MUC17: variants seen among roughly 807,000 people sequenced by gnomAD.
The protein encoded by MUC17 is mucin 17, cell surface associated.
In MUC17, 190 loss-of-function variants were observed where a neutral mutation model predicts 170.3. That is an observed-to-expected ratio of 1.12 (90% CI 0.99 to 1.26). The LOEUF (loss-of-function observed/expected upper bound fraction) is 1.26, where lower values mean the gene tolerates loss of function less well. Among genes scored for constraint, MUC17 ranks in the 50% most tolerant of loss-of-function variants. The pLI is 0.00. For synonymous variants in MUC17, 2,325 were observed against 2,002.5 expected (o/e 1.16, Z -4.30); for missense variants, 6,415 against 5,530.0 (o/e 1.16, Z -5.08).
chr7:101,026,563 A>C (rs1202443469), intron 1 of MUC17, among the ~76,000 whole-genome samples: 1 of 152,186 alleles, frequency 6.6e-6, no homozygotes, highest in Admixed American at 6.5e-5. Flanking sequence ...CAAAATGGAC[A>C]TGCAAGGCCC....
chr7:101,034,395 G>T lies in MUC17; in HGVS notation c.2979G>T (p.Thr993=), dbSNP rs146041114. 2.6e-4 allele frequency: 418 copies of T among 1,606,056 alleles called. No individual in the cohort carries two copies. The highest frequency in any genetic ancestry group is 3.3e-4 in the Non-Finnish European group (394 of 1,176,544). Residue 993 remains threonine (T), a synonymous_variant, in exon 3 of 13, where the codon ACG becomes ACT. Transcript: ENST00000306151. ...TPLTSTPVSH[T]LVANSEASTL... is the part of the protein sequence containing the mutation. Reference sequence around the variant, plus strand: ...TAACAAGCACACCTGTCAGCCACACGCTGGTGGCCAATTCTGAGGCTAGCA... The same window carrying T: ...TAACAAGCACACCTGTCAGCCACACTCTGGTGGCCAATTCTGAGGCTAGCA...
chr7:101,043,913 C>T (rs964008932), intron 3 of MUC17, 94 bp downstream of exon 3: 54 of 1,196,028 alleles, frequency 4.5e-5, no homozygotes, highest in Non-Finnish European at 5.7e-5. Context: ...CCTATGTATA[C>T]GTGTGCCATG....
rs749287345 is a variant in MUC17, at chr7:101,043,712, G to C, written c.12296G>C (p.Ser4099Thr). ...ACCATGACCACCAGGACAAAACCCA[G>C]CACACGGACCACTTCCTTCCCCACG... ...VTTMTTRTKP[S>T]TRTTSFPTVT... is the part of the protein sequence containing the mutation. The change falls in exon 3 of 13, where the codon AGC becomes ACC. Residue 4099 changes from serine (S) to threonine (T), a missense_variant. By Grantham distance (58) the Ser-to-Thr change is moderately conservative. Coordinates refer to ENST00000306151, the MANE Select transcript of MUC17 (RefSeq NM_001040105.2). The C allele has an allele frequency of 4.3e-6, 7 of 1,614,018 alleles. No individual in the cohort carries two copies. The highest frequency in any genetic ancestry group is 1.1e-5 in the South Asian group (1 of 91,072).
At chr7:101,020,459 G>A (rs13231099) in intron 1 of MUC17, among the ~76,000 whole-genome samples, 38,502 of 151,958 alleles carry the variant, frequency 0.25, 5,304 homozygotes, top group Admixed American at 0.39. Context: ...TTCCCCTTCC[G>A]AGCCTCAGTC....
rs1233899015 is a variant in MUC17 at position 101,041,205 on chromosome 7, T to C, written c.9789T>C (p.Pro3263=). The part of the protein sequence containing the change: ...LTTSTEASSS[P]PTAEGTSMPT... Reference sequence around the variant, plus strand: ...CTTCTACTGAAGCCAGTTCATCTCCTCCCACTGCTGAAGGTACCAGCATGC... The same window carrying C: ...CTTCTACTGAAGCCAGTTCATCTCCCCCCACTGCTGAAGGTACCAGCATGC... The change falls in exon 3 of 13, where the codon CCT becomes CCC. Residue 3263 remains proline, a synonymous_variant. Coordinates refer to ENST00000306151, the MANE Select transcript of MUC17 (RefSeq NM_001040105.2). The C allele has an allele frequency of 6.2e-7, 1 of 1,613,184 alleles. No individual in the cohort carries two copies. The highest frequency in any genetic ancestry group is 1.1e-5 in the South Asian group (1 of 90,976).
chr7:101,040,331 C>T lies in MUC17; in HGVS notation c.8915C>T (p.Ala2972Val). Residue 2972 changes from alanine (A) to valine (V), a missense_variant, in exon 3 of 13, where the codon GCT becomes GTT. By Grantham distance (64) the Ala-to-Val change is moderately conservative (BLOSUM62 0). Coordinates refer to ENST00000306151, the MANE Select transcript of MUC17 (RefSeq NM_001040105.2). Reference protein sequence around the residue: ...SAEASSSPTTAEGTSMPISTP... With the variant: ...SAEASSSPTTVEGTSMPISTP... ...GAAGCTAGTTCTTCTCCTACAACTG[C>T]TGAAGGTACCAGCATGCCAATCTCA... The T allele has an allele frequency of 6.2e-7, 1 of 1,612,872 alleles. No individual in the cohort carries two copies. The highest frequency in any genetic ancestry group is 1.1e-5 in the South Asian group (1 of 90,976).
At position 101,036,189 on chromosome 7, in the gene MUC17, C is replaced by T. The variant is rs200761782; in HGVS notation, c.4773C>T (p.Asn1591=). Residue 1591 remains asparagine, a synonymous_variant, in exon 3 of 13, where the codon AAC becomes AAT. Transcript: ENST00000306151. ...TGCTGGTGGTCAGTTCTGAGGCTAA[C>T]ACCCTTTCAACAACCCCTATTGACT... ...STMLVVSSEA[N]TLSTTPIDSK... 64 of 1,613,846 alleles carry T rather than the reference C, an allele frequency of 4.0e-5. No individual in the cohort carries two copies. The highest frequency in any genetic ancestry group is 9.3e-5 in the African/African-American group (7 of 74,870).
chr7:101,050,455 C>T (rs1469655637), intron 6 of MUC17, 29 bp from the exon 7 acceptor site: 1 of 1,606,590 alleles, frequency 6.2e-7, no homozygotes, highest in Non-Finnish European at 8.5e-7. Context: ...CCTATTCTGA[C>T]CCCAGGACGT....
At position 101,040,544 on chromosome 7, in the gene MUC17, A is replaced by G; in HGVS notation, c.9128A>G (p.Glu3043Gly). The stretch of plus-strand genomic sequence containing the variant: ...GGCATACCAATCTCAACTCCTAGTG[A>G]AGGAAGTACTCCATTAACAAGTATA... ...GTGIPISTPS[E>G]GSTPLTSIPV... The change falls in exon 3 of 13, where the codon GAA (glutamate) becomes GGA (glycine). Residue 3043 changes from glutamate (E) to glycine (G), a missense_variant. Transcript: ENST00000306151. The G allele has an allele frequency of 6.2e-7, 1 of 1,612,034 alleles. No individual in the cohort carries two copies. The highest frequency in any genetic ancestry group is 8.5e-7 in the Non-Finnish European group (1 of 1,179,272).
intron 11 of MUC17, among the ~76,000 whole-genome samples, chr7:101,055,879 A>G (rs541177258): frequency 1.3e-5 from 2 of 152,366 alleles, no homozygotes; most frequent in African/African-American, 4.8e-5. Context: ...AAAATCCCGT[A>G]TCTTTGGAAA....
rs750792145 is a variant in MUC17, at chr7:101,034,775, C to T, written c.3359C>T (p.Thr1120Ile). 3.1e-5 allele frequency: 50 copies of T among 1,603,876 alleles called. No individual in the cohort carries two copies. The highest frequency in any genetic ancestry group is 3.8e-5 in the Non-Finnish European group (45 of 1,174,272). Residue 1120 changes from threonine to isoleucine, a missense_variant, in exon 3 of 13, where the codon ACC becomes ATC. Thr to Ile is a moderately conservative substitution (Grantham distance 89). Transcript: ENST00000306151. ...CTGGTGGTCAGTTCTGAGGCTAGCA[C>T]CCTTTCCACAACTCCTGTCGACACC... The part of the protein sequence containing the change: ...TRLVVSSEAS[T>I]LSTTPVDTSI...
intron 1 of MUC17, among the ~76,000 whole-genome samples, chr7:101,020,618 C>T (rs1794057623): frequency 6.6e-6 from 1 of 152,140 alleles, no homozygotes; most frequent in Non-Finnish European, 1.5e-5. Context: ...ATGTTCCCGC[C>T]AAGTCCCTGT....
At position 101,035,201 on chromosome 7, in the gene MUC17, C is replaced by G. The variant is rs561785807; in HGVS notation, c.3785C>G (p.Thr1262Ser). 5.0e-6 allele frequency: 8 copies of G among 1,610,216 alleles called. No homozygotes were observed. In the African/African-American group the frequency reaches 9.4e-5, roughly 19 times the overall value. The change falls in exon 3 of 13, where the codon ACC (threonine) becomes AGC (serine). Residue 1262 changes from threonine to serine, a missense_variant. Coordinates refer to ENST00000306151, the MANE Select transcript of MUC17 (RefSeq NM_001040105.2). ...TSAETSSSPTTAEGTSLPTST... is the reference protein window; with the variant it reads ...TSAETSSSPTSAEGTSLPTST... ...GCTGAAACCAGTTCCTCTCCTACAA[C>G]CGCTGAAGGTACCAGCTTGCCAACC...
chr7:101,037,367 G>T lies in MUC17; in HGVS notation c.5951G>T (p.Ser1984Ile). 1 of 1,613,872 alleles carries T rather than the reference G, an allele frequency of 6.2e-7. No homozygotes were observed. The highest frequency in any genetic ancestry group is 8.5e-7 in the Non-Finnish European group (1 of 1,179,940). The change falls in exon 3 of 13, where the codon AGC becomes ATC. Residue 1984 changes from serine to isoleucine, a missense_variant. Transcript: ENST00000306151. ...CCAACCCCAGCTTATAGTGAAGGAAGCACTCCACTAACAAGTATGCCTCTC... is the reference window on the plus strand; with the variant it reads ...CCAACCCCAGCTTATAGTGAAGGAATCACTCCACTAACAAGTATGCCTCTC... ...SMPTPAYSEGSTPLTSMPLST... is the reference protein window; with the variant it reads ...SMPTPAYSEGITPLTSMPLST...
Position 101,036,794 on chromosome 7 carries a change from C to A in MUC17, c.5378C>A (p.Ala1793Asp). The change falls in exon 3 of 13, where the codon GCT (alanine) becomes GAT (aspartate). Residue 1793 changes from alanine (A) to aspartate (D), a missense_variant. Ala to Asp is a moderately radical substitution (Grantham distance 126). Coordinates refer to ENST00000306151, the MANE Select transcript of MUC17 (RefSeq NM_001040105.2). ...STEATSSPTT[A>D]EGTSIPTSTL... is the part of the protein sequence containing the mutation. ...GAAGCCACTTCGTCTCCTACAACTG[C>A]TGAAGGTACCAGCATACCAACCTCG... 1 of 1,606,312 alleles carries A rather than the reference C, an allele frequency of 6.2e-7. No homozygotes were observed. The highest frequency in any genetic ancestry group is 2.3e-5 in the East Asian group (1 of 44,384).
rs1794367775 is a variant in MUC17, at chr7:101,033,808, A to G, written c.2392A>G (p.Ile798Val). The G allele has an allele frequency of 1.9e-6, 3 of 1,613,948 alleles. No homozygotes were observed. Among genetic ancestry groups the G allele is most frequent in the Non-Finnish European group, 2.5e-6 (3 of 1,179,960 alleles). ...PTTTEGTSMPISTPSEGSPLL... is the reference protein window; with the variant it reads ...PTTTEGTSMPVSTPSEGSPLL... Reference sequence around the variant, plus strand: ...AACCACTGAAGGTACCAGCATGCCAATCTCAACTCCTAGTGAAGGAAGTCC... The same window carrying G: ...AACCACTGAAGGTACCAGCATGCCAGTCTCAACTCCTAGTGAAGGAAGTCC... The change falls in exon 3 of 13, where the codon ATC (isoleucine) becomes GTC (valine). Residue 798 changes from isoleucine (I) to valine (V), a missense_variant. Transcript: ENST00000306151.
Position 101,041,982 on chromosome 7 carries a change from G to A in MUC17, c.10566G>A (p.Met3522Ile), listed in dbSNP as rs763841042. The A allele has an allele frequency of 9.9e-6, 16 of 1,613,174 alleles. No individual in the cohort carries two copies. Among genetic ancestry groups the A allele is most frequent in the Admixed American group, 1.7e-5 (1 of 59,932 alleles). ...AAGGAAGCACTCCATTAACAAATAT[G>A]CCTGTCAGCACCACACCGGTGGCCA... ...AGEGSTPLTN[M>I]PVSTTPVASS... Residue 3522 changes from methionine to isoleucine, a missense_variant, in exon 3 of 13, where the codon ATG becomes ATA. Met to Ile is a conservative substitution (Grantham distance 10). Coordinates refer to ENST00000306151, the MANE Select transcript of MUC17 (RefSeq NM_001040105.2).
At position 101,031,104 on chromosome 7, in the gene MUC17, C is replaced by G. The variant is rs770303716; in HGVS notation, c.83-16C>G. ...ATCATGGCTCTGGGATACTAACTCCCCTTTGTCTCTTTCAGACCTCAGTGT... is the reference window on the plus strand; with the variant it reads ...ATCATGGCTCTGGGATACTAACTCCGCTTTGTCTCTTTCAGACCTCAGTGT... On this transcript the variant is annotated splice_polypyrimidine_tract_variant and intron_variant, in intron 1 of 12. Coordinates refer to ENST00000306151, the MANE Select transcript of MUC17 (RefSeq NM_001040105.2). 2 of 1,602,402 alleles carry G rather than the reference C, an allele frequency of 1.2e-6. No homozygotes were observed. The highest frequency in any genetic ancestry group is 2.3e-5 in the East Asian group (1 of 44,386).
Position 101,038,827 on chromosome 7 carries a change from T to G in MUC17, c.7411T>G (p.Ser2471Ala). The change falls in exon 3 of 13, where the codon TCT (serine) becomes GCT (alanine). Residue 2471 changes from serine to alanine, a missense_variant. By Grantham distance (99) the Ser-to-Ala change is moderately conservative. Coordinates refer to ENST00000306151, the MANE Select transcript of MUC17 (RefSeq NM_001040105.2). Reference sequence around the variant, plus strand: ...TGTCAGCACCACGCCGGTGGTCAGTTCTGAGGCTGGCACCCTTTCCACAAC... The same window carrying G: ...TGTCAGCACCACGCCGGTGGTCAGTGCTGAGGCTGGCACCCTTTCCACAAC... ...MPVSTTPVVS[S>A]EAGTLSTTPV... is the part of the protein sequence containing the mutation. 1 of 1,610,552 alleles carries G rather than the reference T, an allele frequency of 6.2e-7. No individual in the cohort carries two copies. Among genetic ancestry groups the G allele is most frequent in the South Asian group, 1.1e-5 (1 of 90,766 alleles).
Sources: gnomAD v4.1 joint callset for allele counts (sites outside exome capture counted in the v4.1 genomes callset) on GRCh38, gnomAD v4.1.1 for gene constraint, MANE v1.5 for transcripts, NCBI Gene and HGNC (gene_info 2026-07-23, HGNC 2026-07-21) for gene names.